CEP128: variants seen among roughly 807,000 people sequenced by gnomAD.
The protein encoded by CEP128 is centrosomal protein 128.
In CEP128, 132 loss-of-function variants were observed where a neutral mutation model predicts 156.7. That is an observed-to-expected ratio of 0.84 (90% CI 0.73 to 0.97). The LOEUF is 0.97. Ranked by LOEUF, CEP128 falls within the 50% of genes least tolerant of loss-of-function variation. The pLI is 0.00. For missense variants in CEP128, 1,252 were observed against 1,281.9 expected (o/e 0.98, Z 0.36); for synonymous variants, 469 against 448.9 (o/e 1.04, Z -0.57).
At position 80,838,186 on chromosome 14, in the gene CEP128, T is replaced by C. The variant is rs777457344; in HGVS notation, c.924+18A>G. The C allele has an allele frequency of 6.4e-7, 1 of 1,563,200 alleles. No individual in the cohort carries two copies. Among genetic ancestry groups the C allele is most frequent in the South Asian group, 1.1e-5 (1 of 89,522 alleles). ...GATTTAATGTAAAAGTATATTATAA[T>C]AACTTGCATAGACTTACCTGATGCA... On this transcript the variant is annotated intron_variant, in intron 11 of 24. Transcript: ENST00000555265.
chr14:80,554,744 T>C (rs1890357639), intron 21 of CEP128, among the ~76,000 whole-genome samples: 1 of 152,108 alleles, frequency 6.6e-6, no homozygotes, highest in East Asian at 1.9e-4. Context: ...TATGATTCGT[T>C]GGTCAAATAA....
intron 19 of CEP128, among the ~76,000 whole-genome samples, chr14:80,685,104 C>T (rs1256149654): frequency 6.6e-6 from 1 of 152,046 alleles, no homozygotes; most frequent in Non-Finnish European, 1.5e-5. Context: ...CCAAAGCAGT[C>T]AGGCAAGAGA....
At chr14:80,530,755 C>A in intron 22 of CEP128, 54 bp downstream of exon 22, 1 of 1,274,372 alleles carries the variant, frequency 7.8e-7, no homozygotes, top group South Asian at 1.4e-5. Flanking sequence ...AGGAAGATGT[C>A]AAGTGTTCTC....
At chr14:80,484,127 C>T (rs1887109861) in intron 14 of CEP128, among the ~76,000 whole-genome samples, 1 of 152,112 alleles carries the variant, frequency 6.6e-6, no homozygotes, top group African/African-American at 2.4e-5. Flanking sequence ...CAGGCGTGCA[C>T]CACCATGCCC....
At chr14:80,922,451 T>C (rs1362290475) in intron 2 of CEP128, among the ~76,000 whole-genome samples, 1 of 152,212 alleles carries the variant, frequency 6.6e-6, no homozygotes, top group African/African-American at 2.4e-5. Flanking sequence ...TTTACTGAAG[T>C]GCAGTTACTA....
chr14:80,776,366 G>A lies in CEP128; in HGVS notation c.2376+1516C>T, dbSNP rs181679569. On this transcript the variant is annotated intron_variant, in intron 16 of 24. Transcript: ENST00000555265. ...AACAAAGCATGACATAGAACTAAAT[G>A]ACAGCTGTTTTCAAGACTATAGGCC... 2.3e-3 allele frequency among the ~76,000 whole-genome samples: 353 copies of A among 151,758 alleles called. 5 individuals carry two copies. Among genetic ancestry groups the A allele is most frequent in the African/African-American group, 8.2e-3 (339 of 41,482 alleles).
intron 19 of CEP128, among the ~76,000 whole-genome samples, chr14:80,585,938 C>T (rs1325009202): frequency 6.6e-6 from 1 of 152,104 alleles, no homozygotes; most frequent in African/African-American, 2.4e-5. Flanking sequence ...CCCTTATGAG[C>T]CTATAAATGA....
intron 23 of CEP128, among the ~76,000 whole-genome samples, chr14:80,515,689 T>C (rs116551434): frequency 0.031 from 4,684 of 152,268 alleles, 106 homozygotes; most frequent in Middle Eastern, 0.092. Flanking sequence ...GTCCCCACTC[T>C]GCCTGAGCTG....
At chr14:80,857,766 A>AAG (rs1887273370) in intron 9 of CEP128, among the ~76,000 whole-genome samples, 1 of 151,634 alleles carries the variant, frequency 6.6e-6, no homozygotes, top group Admixed American at 6.6e-5. Context: ...CAACAACAAC[A>AAG]ACAAAAAACA....
chr14:80,955,866 A>G, intron 2 of CEP128: 1 of 1,614,056 alleles, frequency 6.2e-7, no homozygotes, highest in East Asian at 2.2e-5. Flanking sequence ...TACCCGGGAG[A>G]GATCAGGGTA....
chr14:80,943,204 T>G (rs1566730464), upstream of CEP128, among the ~76,000 whole-genome samples: 1 of 152,252 alleles, frequency 6.6e-6, no homozygotes, highest in Non-Finnish European at 1.5e-5. Flanking sequence ...ATCCAGACAT[T>G]GTTTTAGACA....
intron 19 of CEP128, among the ~76,000 whole-genome samples, chr14:80,732,452 T>C (rs1275443844): frequency 6.8e-6 from 1 of 147,710 alleles, no homozygotes; most frequent in Non-Finnish European, 1.5e-5. Context: ...AAGATTCATC[T>C]GGCAGAACTG....
At chr14:80,835,871 A>T (rs980873181) in intron 12 of CEP128, among the ~76,000 whole-genome samples, 4 of 152,196 alleles carry the variant, frequency 2.6e-5, no homozygotes, top group Admixed American at 2.0e-4. Flanking sequence ...ATTTAAGTAC[A>T]AAGACTGGTA....
At chr14:80,865,461 G>C (rs1452195632) in intron 8 of CEP128, among the ~76,000 whole-genome samples, 2 of 152,144 alleles carry the variant, frequency 1.3e-5, no homozygotes, top group African/African-American at 2.4e-5. Context: ...AAGTGGGACT[G>C]CTGGATTATT....
At chr14:80,879,227 G>C (rs1030589017) in intron 8 of CEP128, among the ~76,000 whole-genome samples, 2 of 152,128 alleles carry the variant, frequency 1.3e-5, no homozygotes, top group African/African-American at 4.8e-5. Context: ...GTGAAGTTTG[G>C]AAGGAGTGAC....
At chr14:80,662,582 A>T (rs8007949) in intron 19 of CEP128, among the ~76,000 whole-genome samples, 59,737 of 151,994 alleles carry the variant, frequency 0.39, 14,029 homozygotes, top group Non-Finnish European at 0.51. Context: ...GATTTGCAAC[A>T]CTGCAAATCA....
intron 2 of CEP128, among the ~76,000 whole-genome samples, chr14:80,946,879 T>A (rs185228376): frequency 6.6e-6 from 1 of 152,178 alleles, no homozygotes; most frequent in Admixed American, 6.5e-5. Context: ...TGGGAGGTGA[T>A]TGGATCACAG....
chr14:80,482,543 T>C (rs563290034), intron 14 of CEP128, among the ~76,000 whole-genome samples: 1 of 152,312 alleles, frequency 6.6e-6, no homozygotes, highest in Admixed American at 6.5e-5. Context: ...ATGGTATCTA[T>C]ACTAAAAAAC....
intron 8 of CEP128, among the ~76,000 whole-genome samples, chr14:80,876,387 G>C (rs1042352719): frequency 2.6e-5 from 4 of 152,054 alleles, no homozygotes; most frequent in Non-Finnish European, 4.4e-5. Context: ...CACAAGGTCA[G>C]GAGATCGAGA....
Sources: gnomAD v4.1 joint callset for allele counts (sites outside exome capture counted in the v4.1 genomes callset) on GRCh38, gnomAD v4.1.1 for gene constraint, MANE v1.5 for transcripts, NCBI Gene and HGNC (gene_info 2026-07-23, HGNC 2026-07-21) for gene names.